Variants in TMEM154 observed in about 807,000 individuals in gnomAD.
The protein encoded by TMEM154 is transmembrane protein 154.
Under a neutral mutation model 24.5 loss-of-function variants are expected in TMEM154, and 27 were observed. That is an observed-to-expected ratio of 1.10 (90% CI 0.81 to 1.52). TMEM154 has a LOEUF of 1.52. TMEM154 is among the 40% of genes most tolerant of loss of function. The probability of loss-of-function intolerance (pLI) is 0.00; values close to 1 mark genes in which losing one functional copy is unlikely to be tolerated. For missense variants in TMEM154, 228 were observed against 213.4 expected (o/e 1.07, Z -0.43); for synonymous variants, 67 against 76.8 (o/e 0.87, Z 0.67).
chr4:152,679,626 A>G (rs191317525), intron 1 of TMEM154, among the ~76,000 whole-genome samples: 1 of 152,310 alleles, frequency 6.6e-6, no homozygotes, highest in Admixed American at 6.5e-5. Context: ...ACTTCCTGGA[A>G]GACAAAGACT....
At position 152,679,990 on chromosome 4, in the gene TMEM154, T is replaced by C. The variant is rs1353301915; in HGVS notation, c.-57A>G. The C allele has an allele frequency of 1.1e-5, 16 of 1,504,750 alleles. No homozygotes were observed. Among genetic ancestry groups the C allele is most frequent in the South Asian group, 7.1e-5 (6 of 84,422 alleles). The allele number at this position is 1,504,750 out of a possible 1,614,324, so 93.2% of individuals were successfully genotyped here. On this transcript the variant is annotated 5_prime_UTR_variant, in exon 1 of 7. Coordinates refer to ENST00000304385, the MANE Select transcript of TMEM154 (RefSeq NM_152680.3). ...ATGCTGCGCCGGGCTGCAGCCTCTC[T>C]GAAACGTGAACATTTCCTGTTTCCT...
At chr4:152,634,785 C>T (rs1032021205) in intron 6 of TMEM154, among the ~76,000 whole-genome samples, 1 of 152,194 alleles carries the variant, frequency 6.6e-6, no homozygotes, top group Admixed American at 6.5e-5. Context: ...GAGAATCTGA[C>T]ACTTAATACT....
chr4:152,641,721 A>G (rs1752259138), intron 5 of TMEM154, among the ~76,000 whole-genome samples: 1 of 142,490 alleles, frequency 7.0e-6, no homozygotes, highest in African/African-American at 2.7e-5. Context: ...TACTTTTAGC[A>G]ACTGAAAAAC....
At chr4:152,662,298 C>T (rs1309360871) in intron 1 of TMEM154, among the ~76,000 whole-genome samples, 1 of 152,038 alleles carries the variant, frequency 6.6e-6, no homozygotes, top group Non-Finnish European at 1.5e-5. Flanking sequence ...CCAGTTTCCA[C>T]ATAATGAGAA....
intron 1 of TMEM154, among the ~76,000 whole-genome samples, chr4:152,660,795 G>A (rs1488665634): frequency 6.6e-6 from 1 of 152,192 alleles, no homozygotes; most frequent in African/African-American, 2.4e-5. Flanking sequence ...CAGGACAGAG[G>A]AAAGGGTTCC....
At chr4:152,678,224 G>A (rs202041100) in intron 1 of TMEM154, among the ~76,000 whole-genome samples, 1 of 152,106 alleles carries the variant, frequency 6.6e-6, no homozygotes, top group South Asian at 2.1e-4. Context: ...CATAAATGAG[G>A]GGTCCTTAAG....
At chr4:152,641,668 T>G (rs1752257479) in intron 5 of TMEM154, among the ~76,000 whole-genome samples, 3 of 150,676 alleles carry the variant, frequency 2.0e-5, no homozygotes, top group Admixed American at 2.0e-4. Context: ...TACCTTTTTT[T>G]TTTTTTTTTT....
intron 6 of TMEM154, among the ~76,000 whole-genome samples, chr4:152,638,468 C>G (rs1231408246): frequency 6.6e-6 from 1 of 152,096 alleles, no homozygotes; most frequent in Admixed American, 6.5e-5. Context: ...CTTCGCCCAC[C>G]AGTATTGATG....
chr4:152,629,791 G>C (rs992746138), intron 6 of TMEM154, among the ~76,000 whole-genome samples: 1 of 152,130 alleles, frequency 6.6e-6, no homozygotes, highest in Non-Finnish European at 1.5e-5. Context: ...GGACTTCGGA[G>C]CAACTGAGAC....
intron 1 of TMEM154, chr4:152,666,952 G>A (rs1157137786): frequency 6.6e-6 from 1 of 152,314 alleles, no homozygotes; most frequent in Non-Finnish European, 1.5e-5. Context: ...GTGCTACGAG[G>A]ACACCGATGC....
rs1263065968 is a variant in TMEM154, at chr4:152,640,925, T to C, written c.536+3A>G. 6.2e-7 allele frequency: 1 copy of C among 1,602,388 alleles called. No homozygotes were observed. ...TGTAATCTGTGGTAGAAATGAGAAG[T>C]ACCTTGGGTTGTGATTTGATTCCTT... On this transcript the variant is annotated splice_donor_region_variant and intron_variant, in intron 6 of 6. Coordinates refer to ENST00000304385, the MANE Select transcript of TMEM154 (RefSeq NM_152680.3).
Position 152,628,419 on chromosome 4 carries a change from C to G in TMEM154, c.*127G>C. On this transcript the variant is annotated 3_prime_UTR_variant, in exon 7 of 7. Transcript: ENST00000304385. ...GAAGAGTGGGCGTTGGAAGAAACAG[C>G]AAAAGGTTCTTGTGTCTATGTTGAT... is the stretch of plus-strand genomic sequence containing the variant. The G allele has an allele frequency of 6.8e-7, 1 of 1,478,162 alleles. No homozygotes were observed. Among genetic ancestry groups the G allele is most frequent in the Admixed American group, 2.0e-5 (1 of 50,726 alleles). 91.6% of individuals were successfully genotyped at this position (1,478,162 alleles called of 1,614,324 possible). A position where few individuals can be genotyped will look rare whatever the true frequency, so the allele number is the denominator to read the frequency against.
chr4:152,674,564 G>C (rs1462593258), intron 1 of TMEM154, among the ~76,000 whole-genome samples: 1 of 152,100 alleles, frequency 6.6e-6, no homozygotes, highest in Non-Finnish European at 1.5e-5. Flanking sequence ...TGGAGGCTTT[G>C]TTGCTTCCTC....
intron 6 of TMEM154, among the ~76,000 whole-genome samples, chr4:152,630,105 G>A (rs1342280638): frequency 1.3e-5 from 2 of 151,946 alleles, no homozygotes; most frequent in Non-Finnish European, 2.9e-5. Flanking sequence ...CTTGAGTCCA[G>A]GAGTTTGAGA....
intron 6 of TMEM154, among the ~76,000 whole-genome samples, chr4:152,638,916 G>A (rs1752199847): frequency 6.6e-6 from 1 of 152,006 alleles, no homozygotes; most frequent in African/African-American, 2.4e-5. Flanking sequence ...CTATGTGAAG[G>A]CTCTAGCTCA....
In TMEM154 at chr4:152,619,775, G is replaced by A. The variant is rs749378100; in HGVS notation, c.*8771C>T. 2 of 152,252 alleles carry A rather than the reference G, an allele frequency of 1.3e-5. No individual in the cohort carries two copies. Among genetic ancestry groups the A allele is most frequent in the South Asian group, 2.1e-4 (1 of 4,834 alleles). 9.4% of individuals were successfully genotyped at this position (152,252 alleles called of 1,614,324 possible). A position where few individuals can be genotyped will look rare whatever the true frequency, so the allele number is the denominator to read the frequency against. On this transcript the variant is annotated 3_prime_UTR_variant, in exon 7 of 7. Coordinates refer to ENST00000304385, the MANE Select transcript of TMEM154 (RefSeq NM_152680.3). ...AACTTGCCAGCCATGTGAGTCATCT[G>A]AAAGTGGGACCCCCAGATCCAGTTG...
chr4:152,637,186 G>T (rs1462314156), intron 6 of TMEM154, among the ~76,000 whole-genome samples: 6 of 152,212 alleles, frequency 3.9e-5, no homozygotes, highest in African/African-American at 1.2e-4. Context: ...TAAAATCCCA[G>T]TGTGGGAGGG....
intron 6 of TMEM154, among the ~76,000 whole-genome samples, chr4:152,629,965 A>G (rs71620217): frequency 3.9e-5 from 6 of 152,278 alleles, no homozygotes; most frequent in African/African-American, 1.4e-4. Context: ...GGAGAGAAGA[A>G]CAATGGGAAA....
chr4:152,639,318 C>T (rs143718986), intron 6 of TMEM154, among the ~76,000 whole-genome samples: 105 of 152,194 alleles, frequency 6.9e-4, no homozygotes, highest in Non-Finnish European at 1.2e-3. Flanking sequence ...TTCCATGTTG[C>T]CAACAATTTC....
Sources: gnomAD v4.1 joint callset for allele counts (sites outside exome capture counted in the v4.1 genomes callset) on GRCh38, gnomAD v4.1.1 for gene constraint, MANE v1.5 for transcripts, NCBI Gene and HGNC (gene_info 2026-07-23, HGNC 2026-07-21) for gene names.